The following VIPR2 variants were observed in gnomAD, a reference collection of about 807,000 sequenced individuals.
VIPR2 encodes vasoactive intestinal peptide receptor 2.
VIPR2 carries 48 observed loss-of-function variants against 58.0 expected under a neutral mutation model. The observed-to-expected ratio is 0.83, with a 90% CI of 0.66 to 1.05. VIPR2 has a LOEUF of 1.05. VIPR2 is among the 50% of genes least tolerant of loss of function. The pLI is 0.00. For synonymous variants in VIPR2, 243 were observed against 235.2 expected, an observed-to-expected ratio of 1.03 and a Z score of -0.30; for missense variants, 534 against 558.0, an observed-to-expected ratio of 0.96 and a Z score of 0.43.
intron 4 of VIPR2, among the ~76,000 whole-genome samples, chr7:159,080,027 C>T (rs1856825624): frequency 1.3e-5 from 2 of 152,296 alleles, no homozygotes; most frequent in Admixed American, 1.3e-4. Context: ...CAGCCAAATT[C>T]TACCAGAGGT....
At chr7:159,080,039 C>T (rs1288852008) in intron 4 of VIPR2, among the ~76,000 whole-genome samples, 1 of 152,154 alleles carries the variant, frequency 6.6e-6, no homozygotes, top group Non-Finnish European at 1.5e-5. Flanking sequence ...ACCAGAGGTA[C>T]AAGGAGGAGC....
intron 4 of VIPR2, among the ~76,000 whole-genome samples, chr7:159,064,762 A>G (rs1184324784): frequency 6.6e-6 from 1 of 152,156 alleles, no homozygotes; most frequent in African/African-American, 2.4e-5. Context: ...CTCTGGCACC[A>G]CATGACCCGG....
intron 2 of VIPR2, among the ~76,000 whole-genome samples, chr7:159,114,179 C>G (rs982769942): frequency 1.3e-5 from 2 of 152,002 alleles, no homozygotes; most frequent in South Asian, 4.2e-4. Flanking sequence ...ATAAGTGATT[C>G]AAATTTGGCA....
intron 2 of VIPR2, among the ~76,000 whole-genome samples, chr7:159,129,673 G>C (rs112175269): frequency 1.9e-4 from 19 of 97,534 alleles, no homozygotes; most frequent in African/African-American, 7.3e-4. Context: ...CTGGCCTCTG[G>C]GGGGGACAGG....
intron 2 of VIPR2, among the ~76,000 whole-genome samples, chr7:159,138,992 G>C (rs911591151): frequency 1.3e-5 from 2 of 152,186 alleles, no homozygotes; most frequent in African/African-American, 4.8e-5. Context: ...CTGGGCACTG[G>C]AGGAGAAGGA....
At chr7:159,072,629 G>GCCC (rs1294819578) in intron 4 of VIPR2, among the ~76,000 whole-genome samples, 1 of 152,200 alleles carries the variant, frequency 6.6e-6, no homozygotes, top group African/African-American at 2.4e-5. Context: ...GGCCCATGAG[G>GCCC]CCCTGGGCCT....
chr7:159,118,647 C>T (rs570622298), intron 2 of VIPR2, among the ~76,000 whole-genome samples: 1 of 152,262 alleles, frequency 6.6e-6, no homozygotes, highest in Non-Finnish European at 1.5e-5. Flanking sequence ...CCAGCCCAGA[C>T]AGAGATGCAT....
intron 3 of VIPR2, among the ~76,000 whole-genome samples, chr7:159,105,603 G>A (rs1296498003): frequency 1.3e-5 from 2 of 152,104 alleles, no homozygotes; most frequent in African/African-American, 4.8e-5. Flanking sequence ...CCTCAGGGCT[G>A]GCCCTGCCCA....
At chr7:159,133,596 T>A (rs1472795451) in intron 2 of VIPR2, among the ~76,000 whole-genome samples, 1 of 152,268 alleles carries the variant, frequency 6.6e-6, no homozygotes, top group Non-Finnish European at 1.5e-5. Flanking sequence ...ATATTATCGT[T>A]CCTGGCACAG....
chr7:159,039,867 G>C (rs139265416), intron 6 of VIPR2, among the ~76,000 whole-genome samples: 86 of 152,276 alleles, frequency 5.6e-4, no homozygotes, highest in African/African-American at 1.9e-3. Context: ...TGCCTGCAGC[G>C]GCAAAAGAGA....
Position 159,036,805 on chromosome 7 carries a change from A to T in VIPR2, c.695T>A (p.Val232Glu). ...VEGLYLHTLL[V>E]AMLPPRRCFL... ...GCACCTTCTAGGGGGGAGCATGGCCACCAGGAGGGTGTGGAGGTAGAGCCC... is the reference window on the plus strand; with the variant it reads ...GCACCTTCTAGGGGGGAGCATGGCCTCCAGGAGGGTGTGGAGGTAGAGCCC... Residue 232 changes from valine to glutamate, a missense_variant, in exon 7 of 13, where the codon GTG becomes GAG. Around this residue, in one of 3 missense-constraint regions of VIPR2, gnomAD observed 306 missense variants for 285.8 expected, o/e 1.07. Transcript: ENST00000262178. The T allele has an allele frequency of 6.2e-7, 1 of 1,614,002 alleles. No individual in the cohort carries two copies. The highest frequency in any genetic ancestry group is 8.5e-7 in the Non-Finnish European group (1 of 1,179,994).
intron 5 of VIPR2, among the ~76,000 whole-genome samples, chr7:159,055,359 C>A (rs958793295): frequency 3.9e-5 from 6 of 152,220 alleles, no homozygotes; most frequent in Non-Finnish European, 8.8e-5. Context: ...TTGTATCCCA[C>A]ATCTCGATCT....
intron 4 of VIPR2, among the ~76,000 whole-genome samples, chr7:159,070,252 C>T (rs1856310386): frequency 1.3e-5 from 2 of 152,166 alleles, no homozygotes; most frequent in Admixed American, 1.3e-4. Flanking sequence ...TTCCAAGCAG[C>T]CGCCCCTGCA....
In VIPR2 at chr7:159,099,854, G is replaced by A. The variant is rs1858099207; in HGVS notation, c.357+3903C>T. Among the ~76,000 whole-genome samples the A allele has an allele frequency of 6.6e-6, 1 of 152,112 alleles. No individual in the cohort carries two copies. Among genetic ancestry groups the A allele is most frequent in the Non-Finnish European group, 1.5e-5 (1 of 68,016 alleles). ...GGGCAGATGGTATTATCACTGCTGT[G>A]ATCTCACACACCAGAGCCGCTGTCA... On this transcript the variant is annotated intron_variant, in intron 4 of 12. Transcript: ENST00000262178. This position sits in a 1 kb window ranked among gnomAD's most constrained non-coding sequence, Gnocchi z 4.2.
At chr7:159,069,216 T>G (rs962146823) in intron 4 of VIPR2, among the ~76,000 whole-genome samples, 10 of 152,182 alleles carry the variant, frequency 6.6e-5, no homozygotes, top group Admixed American at 5.2e-4. Context: ...CCTTTCTCCC[T>G]GCTCACTTTT....
Position 159,035,867 on chromosome 7 carries a change from G to C in VIPR2, c.809+85C>G, listed in dbSNP as rs565673427. On this transcript the variant is annotated intron_variant, in intron 8 of 12. Transcript: ENST00000262178. ...CAAACGCTCCCTGTCCTTCCAACCA[G>C]GTAACCTTCTGGCTTCCAAAGGACT... 18 of 1,544,570 alleles carry C rather than the reference G, an allele frequency of 1.2e-5. 2 individuals carry two copies. The South Asian group carries it at 2.2e-4, about 19-fold the overall frequency.
chr7:159,085,595 TCA>T (rs1857127202), intron 4 of VIPR2, among the ~76,000 whole-genome samples: 1 of 152,352 alleles, frequency 6.6e-6, no homozygotes, highest in African/African-American at 2.4e-5. Context: ...GCGCCCGGCC[TCA>T]TGGTGAGTTT....
Position 159,036,908 on chromosome 7 carries a change from A to G in VIPR2, c.598-6T>C. The G allele has an allele frequency of 6.2e-7, 1 of 1,610,328 alleles. No homozygotes were observed. On this transcript the variant is annotated splice_region_variant and splice_polypyrimidine_tract_variant and intron_variant, in intron 6 of 12. Transcript: ENST00000262178. Reference sequence around the variant, plus strand: ...AGGCTCAGCTTGCAGCCCACCTGGAAACCGCAAACAGAGGAGAGGAAAGCA... The same window carrying G: ...AGGCTCAGCTTGCAGCCCACCTGGAGACCGCAAACAGAGGAGAGGAAAGCA...
At chr7:159,119,773 C>T (rs1033873711) in intron 2 of VIPR2, among the ~76,000 whole-genome samples, 5 of 152,166 alleles carry the variant, frequency 3.3e-5, no homozygotes, top group African/African-American at 1.2e-4. Context: ...CTGGGAAGTG[C>T]AGCCTTGCAA....
Sources: allele counts gnomAD v4.1 joint callset (sites outside exome capture counted in the v4.1 genomes callset), GRCh38; gene constraint gnomAD v4.1.1; regional missense constraint gnomAD v4.1.1; non-coding constraint Gnocchi (gnomAD v3.1); transcripts MANE v1.5; gene names NCBI Gene and HGNC (gene_info 2026-07-23, HGNC 2026-07-21).